NFASC: variants seen among roughly 807,000 people sequenced by gnomAD.
The protein encoded by NFASC is neurofascin homolog.
Under a neutral mutation model 147.5 loss-of-function variants are expected in NFASC, and 43 were observed. The observed-to-expected ratio is 0.29, with a 90% confidence interval of 0.23 to 0.38. The LOEUF is 0.38. NFASC is among the 10% of genes least tolerant of loss of function. NFASC has a pLI of 1.00. For missense variants in NFASC, 1,320 were observed against 1,689.0 expected, an observed-to-expected ratio of 0.78 and a Z score of 3.83; for synonymous variants, 622 against 665.5, an observed-to-expected ratio of 0.93 and a Z score of 1.01.
intron 1 of NFASC, among the ~76,000 whole-genome samples, chr1:204,851,138 A>G (rs908587756): frequency 6.6e-6 from 1 of 152,208 alleles, no homozygotes; most frequent in Non-Finnish European, 1.5e-5. Context: ...AATCAGTCTG[A>G]AAGCTTCTCT....
intron 17 of NFASC, 132 bp from the exon 18 acceptor site, chr1:204,978,836 C>G: frequency 1.5e-6 from 1 of 653,444 alleles, no homozygotes. Flanking sequence ...TGTGCTCACC[C>G]CTCAGGGCAG....
chr1:204,884,048 T>C (rs2148924385), intron 1 of NFASC, among the ~76,000 whole-genome samples: 1 of 152,004 alleles, frequency 6.6e-6, no homozygotes, highest in East Asian at 1.9e-4. Context: ...CACACAGAAG[T>C]ATTAAGTTGA....
At chr1:204,998,032 CA>C (rs55975092) in intron 25 of NFASC, 102,870 of 153,180 alleles carry the variant, frequency 0.67, 35,085 homozygotes, top group Admixed American at 0.77. Context: ...CCCTTAATGC[CA>C]AACTCACATT....
At chr1:204,865,577 G>A (rs2077042695) in intron 1 of NFASC, among the ~76,000 whole-genome samples, 1 of 152,172 alleles carries the variant, frequency 6.6e-6, no homozygotes, top group African/African-American at 2.4e-5. Context: ...TCAAAAATCA[G>A]TTGACCATAG....
chr1:205,011,398 C>G (rs1302891991), intron 28 of NFASC, among the ~76,000 whole-genome samples: 1 of 152,184 alleles, frequency 6.6e-6, no homozygotes, highest in Admixed American at 6.5e-5. Flanking sequence ...CTGGGCCTGT[C>G]TGGTTCTGTA....
intron 25 of NFASC, chr1:205,000,826 C>CA (rs34292816): frequency 0.013 from 3,572 of 277,892 alleles, 18 homozygotes; most frequent in African/African-American, 0.033. Context: ...TACTCCATCT[C>CA]AAAAAAAAAA....
intron 1 of NFASC, among the ~76,000 whole-genome samples, chr1:204,918,840 C>T (rs545101256): frequency 2.0e-5 from 3 of 152,228 alleles, no homozygotes; most frequent in African/African-American, 7.2e-5. Flanking sequence ...CCAACCTTGG[C>T]CTCCCAAAGT....
rs551750444 is a variant in NFASC, at chr1:204,843,655, C to A, written c.-200+14873C>A. Among the ~76,000 whole-genome samples the A allele has an allele frequency of 6.7e-5, 8 of 120,202 alleles. No homozygotes were observed. The East Asian group carries it at 3.0e-3, about 45-fold the overall frequency. The allele number at this position is 120,202 out of a possible 152,430, so 78.9% of individuals were successfully genotyped here. ...CCCTCCCTCCCTCCCTCCCTCCCTC[C>A]CTTCCTTCCTCCCTCCCTTCCTCCC... On this transcript the variant is annotated intron_variant, in intron 1 of 29. Coordinates refer to ENST00000339876, the MANE Select transcript of NFASC (RefSeq NM_001005388.3).
Position 204,920,694 on chromosome 1 carries a change from G to T in NFASC, c.-137G>T. The stretch of plus-strand genomic sequence containing the variant: ...TACCTTCCCTCCGCAGCCTGGAACA[G>T]AGCCTCCTCTGGTGTTGCAAGGAAG... On this transcript the variant is annotated 5_prime_UTR_variant, in exon 2 of 30. Coordinates refer to ENST00000339876, the MANE Select transcript of NFASC (RefSeq NM_001005388.3). The T allele has an allele frequency of 7.8e-7, 1 of 1,289,714 alleles. No individual in the cohort carries two copies. The allele number at this position is 1,289,714 out of a possible 1,614,324, so 79.9% of individuals were successfully genotyped here. A position where few individuals can be genotyped will look rare whatever the true frequency, so the allele number is the denominator to read the frequency against.
At chr1:204,848,522 G>A (rs1478657606) in intron 1 of NFASC, among the ~76,000 whole-genome samples, 3 of 152,086 alleles carry the variant, frequency 2.0e-5, no homozygotes, top group Non-Finnish European at 2.9e-5. Context: ...CACCACACCC[G>A]GTGCGAATTT....
intron 12 of NFASC, 34 bp from the exon 13 acceptor site, chr1:204,974,145 T>G: frequency 2.6e-6 from 4 of 1,556,592 alleles, no homozygotes; most frequent in Non-Finnish European, 3.5e-6. Context: ...GAGTTTAGAC[T>G]TGGCACTCGA....
At chr1:205,012,015 G>C (rs1026135060) in intron 28 of NFASC, among the ~76,000 whole-genome samples, 2 of 152,198 alleles carry the variant, frequency 1.3e-5, no homozygotes, top group Non-Finnish European at 2.9e-5. Context: ...GGAGGCAGAG[G>C]TTGCAGTGAG....
chr1:204,944,453 A>ATGGG, intron 3 of NFASC, 47 bp downstream of exon 3: 2 of 488,796 alleles, frequency 4.1e-6, no homozygotes, highest in Non-Finnish European at 7.6e-6. Flanking sequence ...GATTTTGGGC[A>ATGGG]GAGGGGTGGG....
intron 1 of NFASC, among the ~76,000 whole-genome samples, chr1:204,877,047 ATAATATATTTATTT>A (rs2079102293): frequency 2.0e-5 from 2 of 101,292 alleles, no homozygotes; most frequent in African/African-American, 1.1e-4. Flanking sequence ...TTATATATAT[ATAATATATTTATTT>A]ATATATTTAT....
intron 2 of NFASC, among the ~76,000 whole-genome samples, chr1:204,935,742 C>T (rs766206067): frequency 3.3e-5 from 5 of 152,074 alleles, no homozygotes; most frequent in South Asian, 2.1e-4. Flanking sequence ...CAAAGGCTAG[C>T]GTGGGAAGGC....
At chr1:204,847,575 C>G (rs2075292275) in intron 1 of NFASC, among the ~76,000 whole-genome samples, 1 of 152,226 alleles carries the variant, frequency 6.6e-6, no homozygotes, top group South Asian at 2.1e-4. Context: ...GGCTCTTTCC[C>G]AAGGCTACCA....
In NFASC at chr1:204,987,672, G is replaced by A. The variant is rs1489163146; in HGVS notation, c.2593+132G>A. 1.2e-5 allele frequency: 12 copies of A among 998,414 alleles called. No homozygotes were observed. The highest frequency in any genetic ancestry group is 1.7e-5 in the Non-Finnish European group (11 of 658,138). The allele number at this position is 998,414 out of a possible 1,614,324, so 61.8% of individuals were successfully genotyped here. On this transcript the variant is annotated intron_variant, in intron 22 of 29. Transcript: ENST00000339876. This position sits in a 1 kb window ranked among gnomAD's most constrained non-coding sequence, Gnocchi z 4.4. ...ATTGTGGAGGGATGGAGGGGCCAAC[G>A]AAACAGTTCCCAATAGGATTAGGGG...
At chr1:204,925,307 C>G (rs1222981273) in intron 2 of NFASC, among the ~76,000 whole-genome samples, 2 of 152,094 alleles carry the variant, frequency 1.3e-5, no homozygotes, top group African/African-American at 4.8e-5. Flanking sequence ...CATAAGAAAA[C>G]AGAGAGAGAG....
At chr1:204,850,925 C>G (rs1306366747) in intron 1 of NFASC, among the ~76,000 whole-genome samples, 1 of 152,152 alleles carries the variant, frequency 6.6e-6, no homozygotes, top group Non-Finnish European at 1.5e-5. Flanking sequence ...TATGCAACTT[C>G]ATAGAGTTAA....
Sources: gnomAD v4.1 joint callset for allele counts (sites outside exome capture counted in the v4.1 genomes callset) on GRCh38, gnomAD v4.1.1 for gene constraint, Gnocchi (gnomAD v3.1) non-coding constraint, MANE v1.5 for transcripts, NCBI Gene and HGNC (gene_info 2026-07-23, HGNC 2026-07-21) for gene names.